The following HPSE2 variants were observed in gnomAD, a reference collection of about 807,000 sequenced individuals.
HPSE2 encodes the protein heparanase 2 (inactive).
HPSE2 carries 38 observed loss-of-function variants against 60.5 expected under a neutral mutation model. That is an observed-to-expected ratio of 0.63 (90% CI 0.48 to 0.82). HPSE2 has a LOEUF of 0.82. HPSE2 is among the 40% of genes least tolerant of loss of function. The pLI is 0.00. For missense variants in HPSE2, 713 were observed against 740.4 expected, an observed-to-expected ratio of 0.96 and a Z score of 0.43; for synonymous variants, 295 against 293.2, an observed-to-expected ratio of 1.01 and a Z score of -0.06.
In HPSE2 at chr10:98,743,935, C is replaced by T. The variant is rs762429494; in HGVS notation, c.732G>A (p.Leu244=). 1 of 1,614,108 alleles carries T rather than the reference C, an allele frequency of 6.2e-7. No homozygotes were observed. The highest frequency in any genetic ancestry group is 1.1e-5 in the South Asian group (1 of 91,088). Residue 244 remains leucine (L), a synonymous_variant, in exon 4 of 12, where the codon CTG becomes CTA. Transcript: ENST00000370552. The part of the protein sequence containing the change: ...NSWNSSSALS[L]LKYSASKKYN... ...ACTTTTTGCTGGCGCTGTACTTCAA[C>T]AGACTCAGGGCACTAGAACTGTTCC...
intron 3 of HPSE2, among the ~76,000 whole-genome samples, chr10:98,755,143 A>C (rs1949849725): frequency 6.6e-6 from 1 of 152,108 alleles, no homozygotes; most frequent in South Asian, 2.1e-4. Context: ...CTCACATGCA[A>C]TGATTCATAA....
intron 9 of HPSE2, among the ~76,000 whole-genome samples, chr10:98,506,029 T>A (rs1306665724): frequency 6.6e-6 from 1 of 152,188 alleles, no homozygotes; most frequent in East Asian, 1.9e-4. Context: ...TTATCTAGTA[T>A]CTAAACAAAA....
At chr10:99,260,609 G>A in the HPSE2 span, among the ~76,000 whole-genome samples, 64 of 152,048 alleles carry the variant, frequency 4.2e-4, no homozygotes, top group African/African-American at 4.8e-4. Flanking sequence ...CATTTTATCC[G>A]TGGACCCAAA....
Position 98,721,645 on chromosome 10 carries a change from A to T in HPSE2, c.956+12T>A. The T allele has an allele frequency of 1.2e-6, 2 of 1,612,214 alleles. No homozygotes were observed. Among genetic ancestry groups the T allele is most frequent in the Non-Finnish European group, 1.7e-6 (2 of 1,178,914 alleles). The stretch of plus-strand genomic sequence containing the variant: ...AACAATGTCATAAGAAAAGCTAAAT[A>T]ATCTGACCTACCCATCTAGGAGGGC... On this transcript the variant is annotated intron_variant, in intron 5 of 11. Coordinates refer to ENST00000370552, the MANE Select transcript of HPSE2 (RefSeq NM_021828.5).
intron 3 of HPSE2, among the ~76,000 whole-genome samples, chr10:98,917,765 C>A (rs576082058): frequency 6.6e-6 from 1 of 152,206 alleles, no homozygotes; most frequent in Non-Finnish European, 1.5e-5. Flanking sequence ...AATGAAGGAA[C>A]AAATAAACGT....
chr10:98,840,490 G>A (rs1324436098), intron 3 of HPSE2, among the ~76,000 whole-genome samples: 1 of 152,194 alleles, frequency 6.6e-6, no homozygotes, highest in Non-Finnish European at 1.5e-5. Context: ...TATTGCAGAA[G>A]AGAGATAATA....
At chr10:99,076,840 G>A (rs1842965499) in intron 3 of HPSE2, among the ~76,000 whole-genome samples, 1 of 151,932 alleles carries the variant, frequency 6.6e-6, no homozygotes, top group Admixed American at 6.6e-5. Context: ...TTACTGTTAG[G>A]TGTCCTTTTG....
intron 6 of HPSE2, among the ~76,000 whole-genome samples, chr10:98,672,226 G>T (rs1947524552): frequency 6.6e-6 from 1 of 151,938 alleles, no homozygotes; most frequent in South Asian, 2.1e-4. Flanking sequence ...AGAAAAAGGG[G>T]AAAAAAATGA....
At chr10:98,848,632 T>G (rs1032330739) in intron 3 of HPSE2, among the ~76,000 whole-genome samples, 2 of 152,144 alleles carry the variant, frequency 1.3e-5, no homozygotes, top group African/African-American at 4.8e-5. Context: ...TCCTTACTGC[T>G]CTATTCCTTA....
intron 7 of HPSE2, among the ~76,000 whole-genome samples, chr10:98,635,684 A>C (rs1946478242): frequency 6.6e-6 from 1 of 152,062 alleles, no homozygotes; most frequent in South Asian, 2.1e-4. Flanking sequence ...TGGGAGGCTG[A>C]AGCAGGAGGA....
At chr10:98,537,808 T>C (rs562954646) in intron 9 of HPSE2, among the ~76,000 whole-genome samples, 115 of 152,338 alleles carry the variant, frequency 7.5e-4, no homozygotes, top group Non-Finnish European at 1.4e-3. Context: ...CTGCCTGCAG[T>C]CATCCGGAGG....
intron 2 of HPSE2, among the ~76,000 whole-genome samples, chr10:99,203,986 T>A (rs1042493165): frequency 2.6e-5 from 4 of 151,922 alleles, no homozygotes; most frequent in African/African-American, 9.7e-5. Flanking sequence ...CCAGCACTTA[T>A]AGACACAGAC....
intron 3 of HPSE2, among the ~76,000 whole-genome samples, chr10:99,143,696 T>A (rs917618106): frequency 2.0e-5 from 3 of 152,184 alleles, no homozygotes; most frequent in African/African-American, 7.2e-5. Flanking sequence ...AAGTTGATTC[T>A]CCTTGTAGCT....
At chr10:99,076,881 C>G (rs1005709028) in intron 3 of HPSE2, among the ~76,000 whole-genome samples, 5 of 152,106 alleles carry the variant, frequency 3.3e-5, no homozygotes, top group African/African-American at 4.8e-5. Context: ...TTTAATAAGT[C>G]TTTTAAGGCA....
intron 5 of HPSE2, 83 bp from the exon 6 acceptor site, chr10:98,694,030 A>T: frequency 9.3e-7 from 1 of 1,076,712 alleles, no homozygotes; most frequent in Non-Finnish European, 1.4e-6. Context: ...ACTGAGACAG[A>T]TTAGACCAAT....
chr10:98,827,137 C>A (rs1269178423), intron 3 of HPSE2, among the ~76,000 whole-genome samples: 2 of 147,080 alleles, frequency 1.4e-5, no homozygotes, highest in Non-Finnish European at 3.0e-5. Context: ...GGCAACAGAG[C>A]AAGACCCTGT....
intron 3 of HPSE2, among the ~76,000 whole-genome samples, chr10:99,055,917 T>A (rs898903843): frequency 2.0e-5 from 3 of 152,070 alleles, no homozygotes; most frequent in Admixed American, 2.0e-4. Flanking sequence ...CTTAACAAGC[T>A]AGAGAAGGAA....
intron 3 of HPSE2, among the ~76,000 whole-genome samples, chr10:98,960,735 A>ATTTTTT (rs1192601127): frequency 1.8e-3 from 89 of 48,314 alleles, no homozygotes; most frequent in African/African-American, 6.5e-3. Flanking sequence ...TATTTTTTTT[A>ATTTTTT]TTTTATTTTT....
intron 9 of HPSE2, among the ~76,000 whole-genome samples, chr10:98,545,171 C>T (rs929462172): frequency 6.6e-5 from 10 of 151,996 alleles, no homozygotes; most frequent in African/African-American, 2.2e-4. Context: ...AATAGCTTAC[C>T]AAACAAAAAG....
Sources: gnomAD v4.1 joint callset for allele counts (sites outside exome capture counted in the v4.1 genomes callset) on GRCh38, gnomAD v4.1.1 for gene constraint, MANE v1.5 for transcripts, NCBI Gene and HGNC (gene_info 2026-07-23, HGNC 2026-07-21) for gene names.